Variants in LRRC28 observed in about 807,000 individuals in gnomAD.
The protein encoded by LRRC28 is leucine rich repeat containing 28.
In LRRC28, 39 loss-of-function variants were observed where a neutral mutation model predicts 45.7. The ratio of observed to expected loss-of-function variants is 0.85; its 90% CI spans 0.66 to 1.12. LRRC28 has a LOEUF of 1.12. LRRC28 is among the 50% of genes most tolerant of loss of function. The pLI is 0.00. For missense variants in LRRC28, 435 were observed against 438.5 expected (o/e 0.99, Z 0.07); for synonymous variants, 206 against 178.8 (o/e 1.15, Z -1.22).
chr15:99,362,932 A>T (rs1158332439), intron 8 of LRRC28, among the ~76,000 whole-genome samples, 174 bp from the exon 9 acceptor site: 4 of 152,210 alleles, frequency 2.6e-5, no homozygotes, highest in African/African-American at 7.2e-5. Flanking sequence ...TAAAAAAAAA[A>T]TTTCATTTTC....
chr15:99,386,579 C>T lies in LRRC28; in HGVS notation c.*477C>T, dbSNP rs911010862. 6.5e-6 allele frequency: 1 copy of T among 154,586 alleles called. No homozygotes were observed. The highest frequency in any genetic ancestry group is 2.4e-5 in the African/African-American group (1 of 41,424). The allele number at this position is 154,586 out of a possible 1,614,324, so 9.6% of individuals were successfully genotyped here. Reference sequence around the variant, plus strand: ...CAGTTTTTGAGGAGTTTCAGCAAACCCCGTGGCCTCAATGGTCTTGAGTAG... The same window carrying T: ...CAGTTTTTGAGGAGTTTCAGCAAACTCCGTGGCCTCAATGGTCTTGAGTAG... On this transcript the variant is annotated 3_prime_UTR_variant, in exon 10 of 10. Coordinates refer to ENST00000301981, the MANE Select transcript of LRRC28 (RefSeq NM_144598.5).
chr15:99,311,705 A>G (rs982260075), intron 5 of LRRC28, among the ~76,000 whole-genome samples: 1 of 152,238 alleles, frequency 6.6e-6, no homozygotes, highest in African/African-American at 2.4e-5. Context: ...AGCCAAGAAT[A>G]TGCAACAGAA....
chr15:99,378,408 G>A lies in LRRC28; in HGVS notation c.1032-7622G>A, dbSNP rs1238065258. ...TGATTTTGTATCCTGAGACTTTGCT[G>A]AAGTTGCTTATCAGCTTAAGGAGAT... On this transcript the variant is annotated intron_variant, in intron 9 of 9. Transcript: ENST00000301981. 8.5e-5 allele frequency among the ~76,000 whole-genome samples: 13 copies of A among 152,334 alleles called. No individual in the cohort carries two copies. In the East Asian group the frequency reaches 1.7e-3, roughly 20 times the overall value.
chr15:99,285,679 A>G (rs1381999265), intron 3 of LRRC28: 1 of 590,330 alleles, frequency 1.7e-6, no homozygotes, highest in Non-Finnish European at 3.0e-6. Flanking sequence ...TGTAGATAAT[A>G]TTTTAAAGTC....
chr15:99,299,744 A>G (rs1347618649), intron 5 of LRRC28, among the ~76,000 whole-genome samples: 1 of 152,204 alleles, frequency 6.6e-6, no homozygotes, highest in Non-Finnish European at 1.5e-5. Context: ...AATGTGCATA[A>G]TAGTTCTTTG....
At chr15:99,329,011 A>G (rs1399597151) in intron 5 of LRRC28, among the ~76,000 whole-genome samples, 3 of 151,990 alleles carry the variant, frequency 2.0e-5, no homozygotes, top group East Asian at 1.9e-4. Flanking sequence ...CCCTTCTCAT[A>G]TATCTATATA....
chr15:99,258,552 G>A lies in LRRC28; in HGVS notation c.168+2427G>A, dbSNP rs2081095937. The A allele has an allele frequency of 2.2e-5, 16 of 738,744 alleles. No homozygotes were observed. The South Asian group carries it at 2.3e-4, about 11-fold the overall frequency. The allele number at this position is 738,744 out of a possible 1,614,324, so 45.8% of individuals were successfully genotyped here. A position where few individuals can be genotyped will look rare whatever the true frequency, so the allele number is the denominator to read the frequency against. On this transcript the variant is annotated intron_variant, in intron 2 of 9. Coordinates refer to ENST00000301981, the MANE Select transcript of LRRC28 (RefSeq NM_144598.5). ...AGAAGAATCTTATGATGAAGCTGCA[G>A]TAGAGGAAGAAGAAGAAAAACAGAA...
rs373405558 is a variant in LRRC28 at position 99,306,096 on chromosome 15, T to C, written c.385+18145T>C. Among the ~76,000 whole-genome samples the C allele has an allele frequency of 1.8e-4, 27 of 152,366 alleles. No homozygotes were observed. In the South Asian group the frequency reaches 5.6e-3, roughly 32 times the overall value. On this transcript the variant is annotated intron_variant, in intron 5 of 9. Transcript: ENST00000301981. ...TTGCACAATATTAGGCTACATTGCC[T>C]TGGTATCTCTAATTAAAAATTAAAT...
At chr15:99,362,035 G>A (rs760088444) in intron 8 of LRRC28, among the ~76,000 whole-genome samples, 4 of 152,188 alleles carry the variant, frequency 2.6e-5, no homozygotes, top group South Asian at 2.1e-4. Context: ...CAGTACTGTC[G>A]CAGCGTGCCA....
At position 99,308,213 on chromosome 15, in the gene LRRC28, A is replaced by G. The variant is rs1317342878; in HGVS notation, c.385+20262A>G. 2.0e-5 allele frequency among the ~76,000 whole-genome samples: 3 copies of G among 152,186 alleles called. No individual in the cohort carries two copies. In the East Asian group the frequency reaches 5.8e-4, roughly 29 times the overall value. ...AAATAAGAATTCTCGAGGCTCTGAGAGATTATGAATCTTACACAACGTGAC... is the reference window on the plus strand; with the variant it reads ...AAATAAGAATTCTCGAGGCTCTGAGGGATTATGAATCTTACACAACGTGAC... On this transcript the variant is annotated intron_variant, in intron 5 of 9. Transcript: ENST00000301981.
At chr15:99,345,633 G>C (rs1338587888) in intron 6 of LRRC28, among the ~76,000 whole-genome samples, 2 of 151,964 alleles carry the variant, frequency 1.3e-5, no homozygotes, top group African/African-American at 4.8e-5. Flanking sequence ...AGTGGATTCT[G>C]GTATTTATAG....
At chr15:99,382,207 T>C (rs1597477732) in intron 9 of LRRC28, among the ~76,000 whole-genome samples, 1 of 152,340 alleles carries the variant, frequency 6.6e-6, no homozygotes, top group South Asian at 2.1e-4. Context: ...CTGCTTCGTT[T>C]ACCTACTCAA....
At chr15:99,338,782 A>C (rs1401117861) in intron 6 of LRRC28, among the ~76,000 whole-genome samples, 1 of 152,238 alleles carries the variant, frequency 6.6e-6, no homozygotes, top group Non-Finnish European at 1.5e-5. Flanking sequence ...ATCACTTATA[A>C]TACTGTCTAA....
chr15:99,359,127 T>C (rs572996437), intron 7 of LRRC28, among the ~76,000 whole-genome samples: 11 of 152,052 alleles, frequency 7.2e-5, no homozygotes, highest in Non-Finnish European at 1.6e-4. Flanking sequence ...GAAGAAACTT[T>C]AGGATAATAT....
chr15:99,383,901 T>A (rs950697452), intron 9 of LRRC28, among the ~76,000 whole-genome samples: 4 of 152,132 alleles, frequency 2.6e-5, no homozygotes, highest in African/African-American at 9.7e-5. Context: ...AGGCTTCTGT[T>A]AACCATTCCC....
At chr15:99,321,882 A>G (rs950352416) in intron 5 of LRRC28, among the ~76,000 whole-genome samples, 1 of 152,156 alleles carries the variant, frequency 6.6e-6, no homozygotes. Flanking sequence ...TTGACATGTA[A>G]ATAAATGAAT....
At chr15:99,259,815 C>T in intron 2 of LRRC28, 2 of 900,602 alleles carry the variant, frequency 2.2e-6, no homozygotes, top group South Asian at 1.3e-5. Context: ...TTTTACCAGA[C>T]ACTAAAGCAT....
intron 2 of LRRC28, among the ~76,000 whole-genome samples, chr15:99,275,137 T>C (rs1245457394): frequency 6.6e-6 from 1 of 152,256 alleles, no homozygotes; most frequent in East Asian, 1.9e-4. Flanking sequence ...TATATATGCC[T>C]ATATACTTGT....
At chr15:99,346,950 A>G (rs1597394221) in intron 6 of LRRC28, among the ~76,000 whole-genome samples, 1 of 152,174 alleles carries the variant, frequency 6.6e-6, no homozygotes, top group Non-Finnish European at 1.5e-5. Flanking sequence ...ATATTATGGG[A>G]TACAAATAAA....
Sources: allele counts gnomAD v4.1 joint callset (sites outside exome capture counted in the v4.1 genomes callset), GRCh38; gene constraint gnomAD v4.1.1; transcripts MANE v1.5; gene names NCBI Gene and HGNC (gene_info 2026-07-23, HGNC 2026-07-21).